PMM1: variants seen among roughly 807,000 people sequenced by gnomAD.
The protein encoded by PMM1 is brain glucose-1,6-bisphosphatase.
Under a neutral mutation model 34.0 loss-of-function variants are expected in PMM1, and 25 were observed. That is an observed-to-expected ratio of 0.73 (90% confidence interval 0.54 to 1.03). PMM1 has a LOEUF of 1.03. Ranked by LOEUF, PMM1 falls within the 50% of genes least tolerant of loss-of-function variation. The pLI, the probability that PMM1 is intolerant of heterozygous loss-of-function variation, is 0.00. For missense variants in PMM1, 321 were observed against 350.1 expected (o/e 0.92, Z 0.66); for synonymous variants, 134 against 143.9 (o/e 0.93, Z 0.49).
intron 1 of PMM1, 120 bp downstream of exon 1, chr22:41,589,599 C>T: frequency 1.2e-6 from 1 of 853,990 alleles, no homozygotes; most frequent in Non-Finnish European, 1.8e-6. Context: ...GGCCGGGTAC[C>T]GCCGCATCCC....
In PMM1 at chr22:41,578,134, G is replaced by A. The variant is rs147601303; in HGVS notation, c.551-211C>T. On this transcript the variant is annotated intron_variant, in intron 6 of 7. Coordinates refer to ENST00000216259, the MANE Select transcript of PMM1 (RefSeq NM_002676.3). ...TGAAGTGGGTGGGGGAAGCTCATCC[G>A]GCCAGGGTGATCAGGGGAGACCTCT... 2.4e-4 allele frequency among the ~76,000 whole-genome samples: 36 copies of A among 152,204 alleles called. No individual in the cohort carries two copies. The East Asian group carries it at 6.2e-3, about 26-fold the overall frequency.
In PMM1 at chr22:41,577,802, A is replaced by T. The variant is rs1209043326; in HGVS notation, c.666+6T>A. On this transcript the variant is annotated splice_donor_region_variant and intron_variant, in intron 7 of 7. Coordinates refer to ENST00000216259, the MANE Select transcript of PMM1 (RefSeq NM_002676.3). Reference sequence around the variant, plus strand: ...TTAGGGGAAACCTGGGGTGGGCCACACTCACAGGGCTAGTCTCGTTCCCAA... The same window carrying T: ...TTAGGGGAAACCTGGGGTGGGCCACTCTCACAGGGCTAGTCTCGTTCCCAA... The T allele has an allele frequency of 1.2e-6, 2 of 1,606,166 alleles. No homozygotes were observed. Among genetic ancestry groups the T allele is most frequent in the Non-Finnish European group, 1.7e-6 (2 of 1,173,360 alleles).
Position 41,586,158 on chromosome 22 carries a change from C to T in PMM1, c.123G>A (p.Lys41=). 1 of 1,612,460 alleles carries T rather than the reference C, an allele frequency of 6.2e-7. No homozygotes were observed. Residue 41 remains lysine, a synonymous_variant, in exon 2 of 8, where the codon AAG becomes AAA. Coordinates refer to ENST00000216259, the MANE Select transcript of PMM1 (RefSeq NM_002676.3). ...CACCGATCTGCACTCTACTTCGTAG[C>T]TTCTGCAGGAAGGCGGCCACCTCAG... ...IDPEVAAFLQ[K]LRSRVQIGVV...
chr22:41,587,670 G>A (rs1333352588), intron 1 of PMM1, among the ~76,000 whole-genome samples: 1 of 152,050 alleles, frequency 6.6e-6, no homozygotes, highest in Admixed American at 6.6e-5. Context: ...GATTTTTGAG[G>A]AGCCAAAGAA....
At chr22:41,584,451 C>T (rs2067284480) in intron 3 of PMM1, 76 bp downstream of exon 3, 2 of 1,575,278 alleles carry the variant, frequency 1.3e-6, no homozygotes, top group African/African-American at 1.3e-5. Context: ...TCCCCCAGCC[C>T]AGGACAGAAG....
chr22:41,578,845 T>C lies in PMM1; in HGVS notation c.511A>G (p.Lys171Glu). 6.2e-7 allele frequency: 1 copy of C among 1,614,046 alleles called. No homozygotes were observed. Reference sequence around the variant, plus strand: ...AGCCCTTTGCCAGCAAACTCTGTTTTCAGGGCTTCCACGAACTTCTCCCGG... The same window carrying C: ...AGCCCTTTGCCAGCAAACTCTGTTTCCAGGGCTTCCACGAACTTCTCCCGG... The part of the protein sequence containing the change: ...KIREKFVEAL[K>E]TEFAGKGLRF... Residue 171 changes from lysine to glutamate, a missense_variant, in exon 6 of 8, where the codon AAA (lysine) becomes GAA (glutamate). Lys to Glu is a moderately conservative substitution (Grantham distance 56). Transcript: ENST00000216259.
In PMM1 at chr22:41,586,728, T is replaced by C. The variant is rs540065571; in HGVS notation, c.88-535A>G. Among the ~76,000 whole-genome samples the C allele has an allele frequency of 1.5e-4, 22 of 151,326 alleles. No homozygotes were observed. In the East Asian group the frequency reaches 4.0e-3, roughly 28 times the overall value. ...TTCGCCATGTTGGCCAGGCTGGTCT[T>C]GAACTCCTGACTTCAGGTGATCCAT... is the stretch of plus-strand genomic sequence containing the variant. On this transcript the variant is annotated intron_variant, in intron 1 of 7. Coordinates refer to ENST00000216259, the MANE Select transcript of PMM1 (RefSeq NM_002676.3).
chr22:41,589,406 G>A (rs1015015476), intron 1 of PMM1: 22 of 500,524 alleles, frequency 4.4e-5, no homozygotes, highest in African/African-American at 3.5e-4. Context: ...CGTGAGCCAG[G>A]CCTTAGCGGC....
chr22:41,582,621 T>G (rs1400951653), intron 5 of PMM1, among the ~76,000 whole-genome samples: 1 of 151,810 alleles, frequency 6.6e-6, no homozygotes, highest in African/African-American at 2.4e-5. Flanking sequence ...CAAGGCTACT[T>G]GGGGAGAAAT....
chr22:41,586,327 C>T, intron 1 of PMM1, 134 bp from the exon 2 acceptor site: 1 of 1,495,716 alleles, frequency 6.7e-7, no homozygotes, highest in South Asian at 1.3e-5. Flanking sequence ...AGCTTAGACA[C>T]CAAAAATTAG....
At chr22:41,586,916 G>T (rs1398121378) in intron 1 of PMM1, among the ~76,000 whole-genome samples, 1 of 138,576 alleles carries the variant, frequency 7.2e-6, no homozygotes, top group Non-Finnish European at 1.5e-5. Flanking sequence ...TCAGGAGTTC[G>T]AGACCAGCCT....
intron 5 of PMM1, among the ~76,000 whole-genome samples, chr22:41,581,256 G>A (rs1452578362): frequency 5.3e-5 from 8 of 151,584 alleles, no homozygotes; most frequent in South Asian, 2.1e-4. Context: ...CCTAGGCAGC[G>A]AAGGTTGCAG....
intron 5 of PMM1, chr22:41,580,300 T>G (rs2067229744): frequency 6.6e-6 from 1 of 152,280 alleles, no homozygotes; most frequent in African/African-American, 2.4e-5. Flanking sequence ...AAGCATTTAT[T>G]TACACCAGCT....
At chr22:41,585,070 T>C (rs930119915) in intron 2 of PMM1, 2 of 154,142 alleles carry the variant, frequency 1.3e-5, no homozygotes, top group African/African-American at 2.4e-5. Context: ...GGCGAAGCAG[T>C]TGGAGTGGGT....
Position 41,586,277 on chromosome 22 carries a change from C to T in PMM1, c.88-84G>A, listed in dbSNP as rs772974817. On this transcript the variant is annotated intron_variant, in intron 1 of 7. Coordinates refer to ENST00000216259, the MANE Select transcript of PMM1 (RefSeq NM_002676.3). ...TTAGCCCTCACTTAGTGCTGAGAACCCAGGAAGCCCACATTCTACCTGGAT... is the reference window on the plus strand; with the variant it reads ...TTAGCCCTCACTTAGTGCTGAGAACTCAGGAAGCCCACATTCTACCTGGAT... 5.7e-6 allele frequency: 9 copies of T among 1,577,530 alleles called. No homozygotes were observed. In the South Asian group the frequency reaches 1.0e-4, roughly 18 times the overall value.
chr22:41,583,980 G>A lies in PMM1; in HGVS notation c.453C>T (p.Ile151=), dbSNP rs1043524202. 15 of 1,612,344 alleles carry A rather than the reference G, an allele frequency of 9.3e-6. No individual in the cohort carries two copies. The highest frequency in any genetic ancestry group is 1.7e-5 in the Admixed American group (1 of 59,996). ...IGRSCTLEER[I]EFSELDKKEK... is the part of the protein sequence containing the mutation. Reference sequence around the variant, plus strand: ...GTACCTTGTCCAGTTCGGAGAACTCGATCCTCTCCTCCAGGGTGCAGCTCC... The same window carrying A: ...GTACCTTGTCCAGTTCGGAGAACTCAATCCTCTCCTCCAGGGTGCAGCTCC... The change falls in exon 5 of 8, where the codon ATC becomes ATT. Residue 151 remains isoleucine, a synonymous_variant. Transcript: ENST00000216259.
At chr22:41,579,927 C>T (rs1375335299) in intron 5 of PMM1, 1 of 152,250 alleles carries the variant, frequency 6.6e-6, no homozygotes, top group Non-Finnish European at 1.5e-5. Flanking sequence ...CTGCCTGCTT[C>T]CCTCTCATGG....
Position 41,589,170 on chromosome 22 carries a change from G to A in PMM1, c.87+549C>T, listed in dbSNP as rs768994410. 6.2e-6 allele frequency: 8 copies of A among 1,284,920 alleles called. No homozygotes were observed. In the South Asian group the frequency reaches 7.4e-5, roughly 12 times the overall value. The allele number at this position is 1,284,920 out of a possible 1,614,324, so 79.6% of individuals were successfully genotyped here. Reference sequence around the variant, plus strand: ...AGCCCTCTCTGCTCCACGACTGGGGGTGGAAGGTAAAGTGGGTGATGGGGC... The same window carrying A: ...AGCCCTCTCTGCTCCACGACTGGGGATGGAAGGTAAAGTGGGTGATGGGGC... On this transcript the variant is annotated intron_variant, in intron 1 of 7. Coordinates refer to ENST00000216259, the MANE Select transcript of PMM1 (RefSeq NM_002676.3).
chr22:41,579,056 C>A lies in PMM1; in HGVS notation c.475-175G>T, dbSNP rs968329754. On this transcript the variant is annotated intron_variant, in intron 5 of 7. Coordinates refer to ENST00000216259, the MANE Select transcript of PMM1 (RefSeq NM_002676.3). ...TTGTGCCTTGGTCAAGGTCACCTAG[C>A]CCTGGTGGCAGAGCCAGGGCCTAAA... 4 of 584,430 alleles carry A rather than the reference C, an allele frequency of 6.8e-6. No individual in the cohort carries two copies. In the African/African-American group the frequency reaches 7.5e-5, roughly 11 times the overall value. 36.2% of individuals were successfully genotyped at this position (584,430 alleles called of 1,614,324 possible). A position where few individuals can be genotyped will look rare whatever the true frequency, so the allele number is the denominator to read the frequency against.
Sources: gnomAD v4.1 joint callset for allele counts (sites outside exome capture counted in the v4.1 genomes callset) on GRCh38, gnomAD v4.1.1 for gene constraint, MANE v1.5 for transcripts, NCBI Gene and HGNC (gene_info 2026-07-23, HGNC 2026-07-21) for gene names.